The following PKNOX2 variants were observed in gnomAD, a reference collection of about 807,000 sequenced individuals.
The protein encoded by PKNOX2 is PBX/knotted 1 homeobox 2.
A neutral mutation model predicts 53.1 loss-of-function variants in PKNOX2; 14 were observed. The ratio of observed to expected loss-of-function variants is 0.26; its 90% CI spans 0.17 to 0.41. The LOEUF is 0.41. Ranked by LOEUF, PKNOX2 falls within the 10% of genes least tolerant of loss-of-function variation. The pLI, the probability that PKNOX2 is intolerant of heterozygous loss-of-function variation, is 1.00. For missense variants in PKNOX2, 496 were observed against 602.8 expected (o/e 0.82, Z 1.85); for synonymous variants, 257 against 242.8 (o/e 1.06, Z -0.54).
intron 2 of PKNOX2, among the ~76,000 whole-genome samples, chr11:125,241,130 G>C (rs954025168): frequency 6.6e-6 from 1 of 152,098 alleles, no homozygotes; most frequent in African/African-American, 2.4e-5. Flanking sequence ...TGGGCTTCAC[G>C]GTTCAACCCT....
At chr11:125,329,623 G>C (rs911041684) in intron 2 of PKNOX2, among the ~76,000 whole-genome samples, 2 of 152,222 alleles carry the variant, frequency 1.3e-5, no homozygotes, top group African/African-American at 4.8e-5. Flanking sequence ...CATGTTATTT[G>C]GAAGCACAGA....
At chr11:125,229,668 T>C (rs532806448) in intron 1 of PKNOX2, among the ~76,000 whole-genome samples, 34 of 151,556 alleles carry the variant, frequency 2.2e-4, no homozygotes, top group Non-Finnish European at 4.0e-4. Context: ...ACAAGGAGAG[T>C]TGGGTTAATG....
At chr11:125,272,894 C>A (rs1945901633) in intron 2 of PKNOX2, among the ~76,000 whole-genome samples, 1 of 152,236 alleles carries the variant, frequency 6.6e-6, no homozygotes, top group Non-Finnish European at 1.5e-5. Context: ...GTGACAGAAG[C>A]AGCATTGAGC....
At chr11:125,222,966 C>T (rs575753507) in intron 1 of PKNOX2, among the ~76,000 whole-genome samples, 1 of 152,222 alleles carries the variant, frequency 6.6e-6, no homozygotes, top group African/African-American at 2.4e-5. Context: ...CACCAGACAA[C>T]CTACAGGAAG....
chr11:125,372,288 G>A (rs951639145), intron 5 of PKNOX2, among the ~76,000 whole-genome samples: 6 of 152,304 alleles, frequency 3.9e-5, no homozygotes, highest in African/African-American at 1.2e-4. Flanking sequence ...TGAGGGCACC[G>A]AGCAGTAGGG....
intron 1 of PKNOX2, among the ~76,000 whole-genome samples, chr11:125,197,604 G>A (rs1937880242): frequency 6.6e-6 from 1 of 152,250 alleles, no homozygotes; most frequent in East Asian, 1.9e-4. Flanking sequence ...TGGGGACCCC[G>A]TAACAACACA....
chr11:125,218,036 T>C (rs1443414366), intron 1 of PKNOX2, among the ~76,000 whole-genome samples: 1 of 152,168 alleles, frequency 6.6e-6, no homozygotes, highest in Admixed American at 6.5e-5. Context: ...TCAATGGGTC[T>C]TCTCCTTCTC....
At chr11:125,337,174 G>T (rs759796002) in intron 3 of PKNOX2, among the ~76,000 whole-genome samples, 1 of 152,110 alleles carries the variant, frequency 6.6e-6, no homozygotes, top group Admixed American at 6.5e-5. Flanking sequence ...CTGTGGGCAT[G>T]GCAATATATT....
At chr11:125,365,073 C>T (rs886625179) in intron 4 of PKNOX2, among the ~76,000 whole-genome samples, 1 of 152,026 alleles carries the variant, frequency 6.6e-6, no homozygotes, top group Non-Finnish European at 1.5e-5. Context: ...TAGTTTGGCC[C>T]TTCGAGTCAT....
intron 1 of PKNOX2, among the ~76,000 whole-genome samples, chr11:125,217,977 C>G (rs558398962): frequency 1.3e-5 from 2 of 152,104 alleles, no homozygotes; most frequent in African/African-American, 4.8e-5. Flanking sequence ...CGCTGGGGAC[C>G]CTGGCATGAG....
intron 2 of PKNOX2, among the ~76,000 whole-genome samples, chr11:125,262,020 T>C (rs143171519): frequency 6.6e-6 from 1 of 151,908 alleles, no homozygotes; most frequent in African/African-American, 2.4e-5. Flanking sequence ...AGCCCTCCAG[T>C]CCCCTGCAAC....
intron 2 of PKNOX2, among the ~76,000 whole-genome samples, chr11:125,275,298 A>G (rs1484008316): frequency 6.6e-6 from 1 of 152,192 alleles, no homozygotes; most frequent in African/African-American, 2.4e-5. Flanking sequence ...CATCTCAAGC[A>G]GAAGGAAAAG....
intron 5 of PKNOX2, among the ~76,000 whole-genome samples, chr11:125,375,012 C>G (rs1160148789): frequency 6.6e-6 from 1 of 152,136 alleles, no homozygotes; most frequent in Non-Finnish European, 1.5e-5. Context: ...GGCTTCTCAC[C>G]GGGCCTGAGC....
intron 6 of PKNOX2, among the ~76,000 whole-genome samples, chr11:125,392,240 A>T (rs906954825): frequency 6.6e-6 from 1 of 152,222 alleles, no homozygotes; most frequent in Non-Finnish European, 1.5e-5. Flanking sequence ...GATGAACATT[A>T]TCCCCATTTT....
chr11:125,200,010 G>T (rs576229903), intron 1 of PKNOX2, among the ~76,000 whole-genome samples: 5 of 152,304 alleles, frequency 3.3e-5, no homozygotes, highest in African/African-American at 1.2e-4. Context: ...AGCTTGGGCA[G>T]GTGTCTCCTG....
Position 125,407,974 on chromosome 11 carries a change from T to C in PKNOX2, c.589-2222T>C, listed in dbSNP as rs1379487133. Among the ~76,000 whole-genome samples the C allele has an allele frequency of 3.3e-5, 5 of 152,272 alleles. No individual in the cohort carries two copies. The East Asian group carries it at 7.7e-4, about 24-fold the overall frequency. ...CAGAAGGGTGGTGACGAGATTGCCT[T>C]TCCTCCAGTGCCCACGCTGCTTCTG... On this transcript the variant is annotated intron_variant, in intron 7 of 12. Transcript: ENST00000298282.
chr11:125,418,173 A>G (rs182741499), intron 10 of PKNOX2, among the ~76,000 whole-genome samples: 1 of 152,028 alleles, frequency 6.6e-6, no homozygotes, highest in East Asian at 1.9e-4. Context: ...GCAACCATGA[A>G]TTCACTTTCT....
intron 1 of PKNOX2, among the ~76,000 whole-genome samples, chr11:125,221,819 G>A (rs949007944): frequency 2.0e-4 from 30 of 151,674 alleles, no homozygotes; most frequent in African/African-American, 5.8e-4. Context: ...CCTCCTCCCC[G>A]ACCACCCCGT....
intron 1 of PKNOX2, among the ~76,000 whole-genome samples, chr11:125,178,628 A>G (rs1281165600): frequency 1.1e-4 from 9 of 82,984 alleles, no homozygotes; most frequent in African/African-American, 7.5e-4. Context: ...GAAAGAAAGA[A>G]AGAAAGAAAG....
Sources: gnomAD v4.1 joint callset for allele counts (sites outside exome capture counted in the v4.1 genomes callset) on GRCh38, gnomAD v4.1.1 for gene constraint, MANE v1.5 for transcripts, NCBI Gene and HGNC (gene_info 2026-07-23, HGNC 2026-07-21) for gene names.